The following DNAAF11 variants were observed in gnomAD, a reference collection of about 807,000 sequenced individuals.
DNAAF11 encodes leucine rich repeat containing 6.
A neutral mutation model predicts 60.8 loss-of-function variants in DNAAF11; 45 were observed. That is an observed-to-expected ratio of 0.74 (90% CI 0.58 to 0.95). The LOEUF (loss-of-function observed/expected upper bound fraction) is 0.95, where lower values mean the gene tolerates loss of function less well. Ranked by LOEUF, DNAAF11 falls within the 40% of genes least tolerant of loss-of-function variation. The probability of loss-of-function intolerance (pLI) is 0.00; values close to 1 mark genes in which losing one functional copy is unlikely to be tolerated. For synonymous variants in DNAAF11, 191 were observed against 183.5 expected, an observed-to-expected ratio of 1.04 and a Z score of -0.33; for missense variants, 546 against 546.2, an observed-to-expected ratio of 1.00 and a Z score of 0.00.
chr8:132,697,629 A>T, the DNAAF11 span, among the ~76,000 whole-genome samples: 1 of 152,080 alleles, frequency 6.6e-6, no homozygotes, highest in Non-Finnish European at 1.5e-5. Context: ...AAAAGAAAAA[A>T]AAAAAATCCA....
At chr8:132,642,598 G>A (rs754528156) in intron 3 of DNAAF11, among the ~76,000 whole-genome samples, 11 of 152,316 alleles carry the variant, frequency 7.2e-5, no homozygotes, top group South Asian at 4.1e-4. Flanking sequence ...ACCACGCTCA[G>A]AGACCCTAAG....
intron 7 of DNAAF11, among the ~76,000 whole-genome samples, chr8:132,620,350 C>T (rs1819625966): frequency 6.6e-6 from 1 of 152,008 alleles, no homozygotes; most frequent in African/African-American, 2.4e-5. Flanking sequence ...TTCCTTTTTT[C>T]TTGAGACAGG....
At chr8:132,604,424 G>T (rs563030327) in intron 10 of DNAAF11, among the ~76,000 whole-genome samples, 1 of 152,154 alleles carries the variant, frequency 6.6e-6, no homozygotes, top group African/African-American at 2.4e-5. Context: ...ATATTTTGCT[G>T]TTCAGTTCAC....
At chr8:132,578,411 T>C in intron 11 of DNAAF11, 1 of 1,480,076 alleles carries the variant, frequency 6.8e-7, no homozygotes. Context: ...TTTTCACCTT[T>C]GCTTTCCCCG....
upstream of DNAAF11, among the ~76,000 whole-genome samples, chr8:132,677,308 T>C (rs901523184): frequency 7.2e-5 from 11 of 152,102 alleles, no homozygotes; most frequent in African/African-American, 2.4e-4. Flanking sequence ...GAAAGATTAG[T>C]TTCTAAGCTG....
At chr8:132,673,331 T>C (rs1297796917) in intron 1 of DNAAF11, among the ~76,000 whole-genome samples, 1 of 152,156 alleles carries the variant, frequency 6.6e-6, no homozygotes, top group African/African-American at 2.4e-5. Context: ...AACAAGAGAA[T>C]GCAGGTAAAG....
rs542501534 is a variant in DNAAF11 at position 132,674,695 on chromosome 8, C to G, written c.10+789G>C. Among the ~76,000 whole-genome samples, 450 of 152,306 alleles carry G rather than the reference C, an allele frequency of 3.0e-3. 2 individuals are homozygous for G. Among genetic ancestry groups the G allele is most frequent in the Non-Finnish European group, 5.8e-3 (393 of 68,024 alleles). On this transcript the variant is annotated intron_variant, in intron 1 of 11. Transcript: ENST00000620350. ...CCTGAGGTCAGGAGTTCGAGACCAG[C>G]CTGGCCAACATGGCAAAACCCCGTC...
rs559180961 is a variant in DNAAF11, at chr8:132,657,515, A to G, written c.179-608T>C. On this transcript the variant is annotated intron_variant, in intron 2 of 11. Transcript: ENST00000620350. Reference sequence around the variant, plus strand: ...TGGAGTCTGCTCTACCTGTAGACTTAAAGTTGGGTAAGATAATTGATTTCC... The same window carrying G: ...TGGAGTCTGCTCTACCTGTAGACTTGAAGTTGGGTAAGATAATTGATTTCC... 2.0e-5 allele frequency among the ~76,000 whole-genome samples: 3 copies of G among 152,286 alleles called. No homozygotes were observed. In the East Asian group the frequency reaches 5.8e-4, roughly 29 times the overall value.
chr8:132,663,832 T>C (rs1176163515), intron 1 of DNAAF11, among the ~76,000 whole-genome samples: 1 of 152,180 alleles, frequency 6.6e-6, no homozygotes, highest in Admixed American at 6.5e-5. Context: ...TGACATCAGG[T>C]ACATATCCCA....
intron 3 of DNAAF11, among the ~76,000 whole-genome samples, chr8:132,648,311 C>A (rs140705465): frequency 2.7e-4 from 41 of 152,200 alleles, no homozygotes; most frequent in African/African-American, 6.3e-4. Context: ...ATTCAACAGC[C>A]CTTCATGCGA....
intron 2 of DNAAF11, among the ~76,000 whole-genome samples, chr8:132,659,955 C>T (rs1586723406): frequency 6.6e-6 from 1 of 152,298 alleles, no homozygotes; most frequent in East Asian, 1.9e-4. Context: ...TATCTCCAGA[C>T]ATTGCCAAAT....
At chr8:132,626,566 A>G (rs1276209489) in intron 5 of DNAAF11, among the ~76,000 whole-genome samples, 1 of 152,184 alleles carries the variant, frequency 6.6e-6, no homozygotes, top group Admixed American at 6.5e-5. Context: ...TTTATTAAGC[A>G]TCTTCTGTTG....
At chr8:132,621,561 G>A (rs936622062) in intron 7 of DNAAF11, among the ~76,000 whole-genome samples, 3 of 152,100 alleles carry the variant, frequency 2.0e-5, no homozygotes, top group African/African-American at 7.2e-5. Flanking sequence ...GGAGTTCCGA[G>A]AGTCTCCCTT....
At chr8:132,603,172 T>C (rs769243129) in intron 10 of DNAAF11, among the ~76,000 whole-genome samples, 1 of 152,178 alleles carries the variant, frequency 6.6e-6, no homozygotes, top group Non-Finnish European at 1.5e-5. Flanking sequence ...GTTTTTAAAA[T>C]ATGTAGTCCA....
chr8:132,597,265 C>T (rs971901639), intron 10 of DNAAF11, among the ~76,000 whole-genome samples: 2 of 152,048 alleles, frequency 1.3e-5, no homozygotes, highest in African/African-American at 4.8e-5. Context: ...TGGCTGTTCC[C>T]CAGAGCCCAC....
At chr8:132,628,368 C>T (rs906654634) in intron 5 of DNAAF11, among the ~76,000 whole-genome samples, 8 of 151,892 alleles carry the variant, frequency 5.3e-5, no homozygotes, top group South Asian at 2.1e-4. Context: ...GCCGAGATTG[C>T]GCCATTGCAC....
chr8:132,664,611 G>A (rs1824446243), intron 1 of DNAAF11, among the ~76,000 whole-genome samples: 1 of 150,986 alleles, frequency 6.6e-6, no homozygotes, highest in Non-Finnish European at 1.5e-5. Context: ...ACAGGCATGC[G>A]CCACCACACC....
intron 10 of DNAAF11, among the ~76,000 whole-genome samples, chr8:132,588,613 C>A (rs1816147319): frequency 1.3e-5 from 2 of 152,108 alleles, no homozygotes; most frequent in Admixed American, 1.3e-4. Context: ...TATGCATAGA[C>A]TACTATGGAA....
chr8:132,578,276 G>T, intron 11 of DNAAF11: 1 of 516,372 alleles, frequency 1.9e-6, no homozygotes, highest in Non-Finnish European at 3.3e-6. Flanking sequence ...ATGTTGTGAG[G>T]AATGAACTAA....
Sources: allele counts gnomAD v4.1 joint callset (sites outside exome capture counted in the v4.1 genomes callset), GRCh38; gene constraint gnomAD v4.1.1; transcripts MANE v1.5; gene names NCBI Gene and HGNC (gene_info 2026-07-23, HGNC 2026-07-21).